The following ANKS1B variants were observed in gnomAD, a reference collection of about 807,000 sequenced individuals.
The protein encoded by ANKS1B is ankyrin repeat and sterile alpha motif domain containing 1B, also known as ankyrin repeat and sterile alpha motif domain-containing protein 1B.
ANKS1B carries 36 observed loss-of-function variants against 148.3 expected under a neutral mutation model. The observed-to-expected ratio is 0.24, with a 90% confidence interval of 0.19 to 0.32. The LOEUF is 0.32. ANKS1B is among the 10% of genes least tolerant of loss of function. The probability of loss-of-function intolerance (pLI) is 1.00; values close to 1 mark genes in which losing one functional copy is unlikely to be tolerated. For missense variants in ANKS1B, 1,157 were observed against 1,542.6 expected (o/e 0.75, Z 4.19); for synonymous variants, 542 against 560.8 (o/e 0.97, Z 0.47).
chr12:99,160,417 C>T (rs1290792630), intron 14 of ANKS1B, among the ~76,000 whole-genome samples: 3 of 151,652 alleles, frequency 2.0e-5, no homozygotes, highest in Non-Finnish European at 4.4e-5. Flanking sequence ...CAGCTCACTG[C>T]AATCTCCGCC....
intron 1 of ANKS1B, among the ~76,000 whole-genome samples, chr12:99,922,517 A>G (rs1377425089): frequency 2.6e-5 from 4 of 152,196 alleles, no homozygotes; most frequent in Admixed American, 6.5e-5. Flanking sequence ...TTAAGGCCCA[A>G]ACCACACCAT....
chr12:98,834,570 A>G (rs1261705765), intron 17 of ANKS1B, among the ~76,000 whole-genome samples: 1 of 152,204 alleles, frequency 6.6e-6, no homozygotes, highest in Non-Finnish European at 1.5e-5. Flanking sequence ...TTGTCCAGGC[A>G]GAAGCCCATC....
intron 1 of ANKS1B, among the ~76,000 whole-genome samples, chr12:99,928,710 G>A (rs2094537626): frequency 6.6e-6 from 1 of 152,216 alleles, no homozygotes; most frequent in Admixed American, 6.5e-5. Context: ...GAAAGTAAGA[G>A]AGAATATAAA....
intron 11 of ANKS1B, among the ~76,000 whole-genome samples, chr12:99,411,801 T>C (rs2094717108): frequency 6.6e-6 from 1 of 152,232 alleles, no homozygotes; most frequent in South Asian, 2.1e-4. Flanking sequence ...TTACTTACTG[T>C]ATGGCTTCTA....
chr12:99,789,639 T>C (rs1175057159), intron 4 of ANKS1B, among the ~76,000 whole-genome samples: 2 of 151,122 alleles, frequency 1.3e-5, no homozygotes, highest in African/African-American at 4.9e-5. Context: ...AAGCAAAAGT[T>C]CTAGAGTTGA....
chr12:99,279,271 G>A (rs1161834542), intron 12 of ANKS1B, among the ~76,000 whole-genome samples: 2 of 152,002 alleles, frequency 1.3e-5, no homozygotes, highest in East Asian at 3.9e-4. Context: ...AAAATTAATT[G>A]AATTACATCA....
chr12:99,468,686 A>G (rs879586705), intron 10 of ANKS1B, among the ~76,000 whole-genome samples: 12 of 152,242 alleles, frequency 7.9e-5, no homozygotes, highest in Non-Finnish European at 1.6e-4. Context: ...AACACATGAA[A>G]AAATGCTCAT....
intron 8 of ANKS1B, among the ~76,000 whole-genome samples, chr12:99,751,792 T>C (rs2061132903): frequency 6.6e-6 from 1 of 152,026 alleles, no homozygotes; most frequent in African/African-American, 2.4e-5. Context: ...ATAAGTACTA[T>C]TACAGGACAT....
At chr12:99,384,139 T>C (rs917168678) in intron 12 of ANKS1B, among the ~76,000 whole-genome samples, 3 of 152,194 alleles carry the variant, frequency 2.0e-5, no homozygotes, top group Non-Finnish European at 2.9e-5. Context: ...CTGTATATAG[T>C]AATGTGTCTG....
chr12:99,713,902 T>G (rs1285260470), intron 8 of ANKS1B, among the ~76,000 whole-genome samples: 2 of 152,216 alleles, frequency 1.3e-5, no homozygotes, highest in Non-Finnish European at 2.9e-5. Flanking sequence ...ATAACCTCAC[T>G]TCCAAATCTA....
chr12:99,257,327 C>T (rs1483140143), intron 12 of ANKS1B, among the ~76,000 whole-genome samples: 1 of 152,154 alleles, frequency 6.6e-6, no homozygotes, highest in Admixed American at 6.5e-5. Flanking sequence ...TCATACCTTC[C>T]AAATTTTCTG....
chr12:99,158,482 A>G (rs553042887), intron 14 of ANKS1B, among the ~76,000 whole-genome samples: 120 of 152,290 alleles, frequency 7.9e-4, no homozygotes, highest in African/African-American at 2.8e-3. Flanking sequence ...TTAAAAAATA[A>G]TAATTCTAGG....
intron 8 of ANKS1B, among the ~76,000 whole-genome samples, chr12:99,763,817 C>T (rs1306067180): frequency 2.0e-5 from 3 of 152,056 alleles, no homozygotes; most frequent in East Asian, 1.9e-4. Context: ...ATACTTCCTT[C>T]GTATATGTTA....
intron 8 of ANKS1B, among the ~76,000 whole-genome samples, chr12:99,756,565 G>GA (rs2061589786): frequency 1.3e-5 from 2 of 151,836 alleles, no homozygotes; most frequent in Admixed American, 6.6e-5. Context: ...TCAAGAACTA[G>GA]AAAAAAACTA....
At chr12:99,505,380 A>C (rs1339133913) in intron 9 of ANKS1B, among the ~76,000 whole-genome samples, 1 of 151,982 alleles carries the variant, frequency 6.6e-6, no homozygotes, top group Non-Finnish European at 1.5e-5. Context: ...TTAGAGTTAA[A>C]TGTCTTGCCA....
At chr12:99,215,950 G>A (rs963252703) in intron 14 of ANKS1B, among the ~76,000 whole-genome samples, 3 of 152,318 alleles carry the variant, frequency 2.0e-5, no homozygotes, top group Non-Finnish European at 4.4e-5. Flanking sequence ...GGAATGAAAT[G>A]GTTTGGCTGT....
chr12:99,437,224 G>C (rs768628743), intron 11 of ANKS1B, among the ~76,000 whole-genome samples: 2 of 151,924 alleles, frequency 1.3e-5, no homozygotes, highest in Non-Finnish European at 2.9e-5. Flanking sequence ...GGGTGAACAA[G>C]TTCCCATGGG....
At chr12:99,983,747 C>CA (rs1179538228) in intron 1 of ANKS1B, among the ~76,000 whole-genome samples, 1 of 152,066 alleles carries the variant, frequency 6.6e-6, no homozygotes, top group Non-Finnish European at 1.5e-5. Flanking sequence ...TTTAACTAGA[C>CA]AAAAAAGGCT....
At chr12:99,424,209 G>T (rs1037397712) in intron 11 of ANKS1B, among the ~76,000 whole-genome samples, 1 of 151,940 alleles carries the variant, frequency 6.6e-6, no homozygotes, top group African/African-American at 2.4e-5. Flanking sequence ...AGTTATTATG[G>T]ATTATGTACT....
Sources: gnomAD v4.1 joint callset for allele counts (sites outside exome capture counted in the v4.1 genomes callset) on GRCh38, gnomAD v4.1.1 for gene constraint, MANE v1.5 for transcripts, NCBI Gene and HGNC (gene_info 2026-07-23, HGNC 2026-07-21) for gene names.